The following UBE2E3 variants were observed in gnomAD, a reference collection of about 807,000 sequenced individuals.
The protein encoded by UBE2E3 is ubiquitin-conjugating enzyme E2 E3.
Under a neutral mutation model 23.6 loss-of-function variants are expected in UBE2E3, and 5 were observed. That is an observed-to-expected ratio of 0.21 (90% CI 0.11 to 0.44). The LOEUF (loss-of-function observed/expected upper bound fraction) is 0.44. Among genes scored for constraint, UBE2E3 ranks in the 20% least tolerant of loss-of-function variants. The pLI is 0.99. For missense variants in UBE2E3, 81 were observed against 249.8 expected, an observed-to-expected ratio of 0.32 and a Z score of 4.55; for synonymous variants, 78 against 87.5, an observed-to-expected ratio of 0.89 and a Z score of 0.60.
At chr2:181,052,706 A>G (rs1405170001) in intron 3 of UBE2E3, among the ~76,000 whole-genome samples, 1 of 151,660 alleles carries the variant, frequency 6.6e-6, no homozygotes, top group East Asian at 1.9e-4. Context: ...TTTACCTCCC[A>G]GTTTGTAGTT....
chr2:180,987,522 T>A, intron 3 of UBE2E3: 1 of 1,081,350 alleles, frequency 9.2e-7, no homozygotes, highest in Non-Finnish European at 1.3e-6. Flanking sequence ...GTATTTGTAT[T>A]AATAAATAGT....
At chr2:180,982,308 T>G in intron 2 of UBE2E3, 72 bp downstream of exon 2, 1 of 1,344,036 alleles carries the variant, frequency 7.4e-7, no homozygotes, top group East Asian at 2.3e-5. Context: ...TTTTGTTGGT[T>G]TTACCTCAAT....
chr2:181,004,776 C>T (rs1016228479), intron 3 of UBE2E3, among the ~76,000 whole-genome samples: 2 of 152,206 alleles, frequency 1.3e-5, no homozygotes, highest in African/African-American at 2.4e-5. Flanking sequence ...TCATAGCCTC[C>T]TATATTGTGA....
chr2:181,001,428 C>A (rs919895796), intron 3 of UBE2E3, among the ~76,000 whole-genome samples: 12 of 152,060 alleles, frequency 7.9e-5, no homozygotes, highest in Non-Finnish European at 1.5e-4. Context: ...CAGAAGTCCT[C>A]CACCCCCCAC....
At chr2:181,048,265 G>A (rs1439656204) in intron 3 of UBE2E3, among the ~76,000 whole-genome samples, 1 of 152,076 alleles carries the variant, frequency 6.6e-6, no homozygotes, top group Non-Finnish European at 1.5e-5. Context: ...TCCTCAGCTT[G>A]GCTGAAATCT....
intron 5 of UBE2E3, 98 bp downstream of exon 5, chr2:181,060,910 G>A (rs115292962): frequency 9.1e-7 from 1 of 1,094,476 alleles, no homozygotes; most frequent in Non-Finnish European, 1.2e-6. Flanking sequence ...AATGTAGATT[G>A]AGAGGTAAAT....
chr2:180,990,784 TTTGACA>T (rs1238528828), intron 3 of UBE2E3, among the ~76,000 whole-genome samples: 1 of 152,194 alleles, frequency 6.6e-6, no homozygotes, highest in Non-Finnish European at 1.5e-5. Flanking sequence ...CAAAATTCAG[TTTGACA>T]TTGAATTACA....
chr2:181,024,346 C>A (rs1685808901), intron 3 of UBE2E3, among the ~76,000 whole-genome samples: 1 of 152,084 alleles, frequency 6.6e-6, no homozygotes, highest in African/African-American at 2.4e-5. Flanking sequence ...ATTCTACCAT[C>A]CTATTATCCA....
At chr2:181,050,691 A>G (rs368523342) in intron 3 of UBE2E3, among the ~76,000 whole-genome samples, 23 of 151,974 alleles carry the variant, frequency 1.5e-4, no homozygotes, top group South Asian at 1.0e-3. Flanking sequence ...TTAGCTCTGC[A>G]TATACGACCC....
chr2:181,019,040 T>C (rs907581794), intron 3 of UBE2E3, among the ~76,000 whole-genome samples: 1 of 152,198 alleles, frequency 6.6e-6, no homozygotes, highest in Admixed American at 6.5e-5. Context: ...CTCTGCTCAC[T>C]GCAACCTCTG....
intron 3 of UBE2E3, among the ~76,000 whole-genome samples, chr2:180,992,321 T>TTAAACACAAGTATTAAGTAATA (rs1559113367): frequency 6.6e-6 from 1 of 152,062 alleles, no homozygotes; most frequent in Non-Finnish European, 1.5e-5. Context: ...AATCTTTAAT[T>TTAAACACAAGTATTAAGTAATA]CTTAAACACA....
At chr2:180,986,174 T>C (rs1395841033) in intron 3 of UBE2E3, among the ~76,000 whole-genome samples, 8 of 152,156 alleles carry the variant, frequency 5.3e-5, no homozygotes, top group Non-Finnish European at 1.0e-4. Context: ...CTGTGATGAC[T>C]ATCAACTGCT....
intron 3 of UBE2E3, among the ~76,000 whole-genome samples, chr2:181,006,690 G>T (rs1685158810): frequency 6.6e-6 from 1 of 151,988 alleles, no homozygotes; most frequent in Non-Finnish European, 1.5e-5. Flanking sequence ...AAAGCAGAGA[G>T]ATTTTTTCTA....
intron 3 of UBE2E3, among the ~76,000 whole-genome samples, chr2:181,009,107 C>T (rs1020852451): frequency 6.6e-6 from 1 of 152,056 alleles, no homozygotes; most frequent in Admixed American, 6.6e-5. Flanking sequence ...TTTCTTCTAG[C>T]CAGTTCTTCT....
intron 3 of UBE2E3, among the ~76,000 whole-genome samples, chr2:180,993,199 G>A (rs1243189589): frequency 6.6e-6 from 1 of 152,196 alleles, no homozygotes; most frequent in Non-Finnish European, 1.5e-5. Flanking sequence ...AATACCAATA[G>A]TGAGGATCAG....
chr2:181,048,143 G>A (rs1271173533), intron 3 of UBE2E3, among the ~76,000 whole-genome samples: 1 of 152,032 alleles, frequency 6.6e-6, no homozygotes, highest in East Asian at 1.9e-4. Context: ...TGCTTCCTCT[G>A]ACTCTTCCCT....
At chr2:181,049,804 A>G (rs1686772042) in intron 3 of UBE2E3, among the ~76,000 whole-genome samples, 1 of 151,984 alleles carries the variant, frequency 6.6e-6, no homozygotes, top group East Asian at 1.9e-4. Context: ...TGCAGACTGA[A>G]TTTATGTGTA....
intron 3 of UBE2E3, among the ~76,000 whole-genome samples, chr2:181,007,384 T>C (rs1040327978): frequency 6.6e-5 from 10 of 152,226 alleles, no homozygotes; most frequent in Non-Finnish European, 1.5e-4. Flanking sequence ...TGTTGCTCCC[T>C]ATTGATAATC....
chr2:181,014,913 C>T (rs766645204), intron 3 of UBE2E3, among the ~76,000 whole-genome samples: 1 of 151,904 alleles, frequency 6.6e-6, no homozygotes, highest in East Asian at 1.9e-4. Flanking sequence ...TATAATTTCC[C>T]ACTGTATTAT....
Sources: allele counts gnomAD v4.1 joint callset (sites outside exome capture counted in the v4.1 genomes callset), GRCh38; gene constraint gnomAD v4.1.1; transcripts MANE v1.5; gene names NCBI Gene and HGNC (gene_info 2026-07-23, HGNC 2026-07-21).